Variants in ADAM12 observed in about 807,000 individuals in gnomAD.
ADAM12 encodes disintegrin and metalloproteinase domain-containing protein 12.
ADAM12 carries 70 observed loss-of-function variants against 106.4 expected under a neutral mutation model. The observed-to-expected ratio is 0.66, with a 90% CI of 0.54 to 0.80. ADAM12 has a LOEUF of 0.80. ADAM12 is among the 30% of genes least tolerant of loss of function. The pLI is 0.00. For synonymous variants in ADAM12, 420 were observed against 433.5 expected, an observed-to-expected ratio of 0.97 and a Z score of 0.39; for missense variants, 1,010 against 1,171.9, an observed-to-expected ratio of 0.86 and a Z score of 2.02.
At chr10:126,213,618 T>C (rs1233659196) in intron 3 of ADAM12, among the ~76,000 whole-genome samples, 1 of 152,244 alleles carries the variant, frequency 6.6e-6, no homozygotes, top group Admixed American at 6.5e-5. Context: ...TATAAAAATA[T>C]GCACAGGCTA....
Position 126,017,159 on chromosome 10 carries a change from T to C in ADAM12, c.*120A>G. On this transcript the variant is annotated 3_prime_UTR_variant, in exon 23 of 23. Transcript: ENST00000448723. ...CACTGACGGCAGTAGCTCAAAGTTC[T>C]TATAGTAATGATGTTTTAAACATTA... 1.1e-6 allele frequency: 1 copy of C among 890,770 alleles called. No homozygotes were observed. The allele number at this position is 890,770 out of a possible 1,614,324, so 55.2% of individuals were successfully genotyped here.
rs555718249 is a variant in ADAM12, at chr10:126,356,651, G to A, written c.89-26142C>T. ...CTGCAAAAATGAACCCTACAGAAAT[G>A]GATATCTATAAAGTGATAAAGAATT... On this transcript the variant is annotated intron_variant, in intron 1 of 22. Coordinates refer to ENST00000448723, the MANE Select transcript of ADAM12 (RefSeq NM_001288973.2). 3.9e-5 allele frequency among the ~76,000 whole-genome samples: 6 copies of A among 152,054 alleles called. No homozygotes were observed. The East Asian group carries it at 1.2e-3, about 29-fold the overall frequency.
chr10:126,210,536 G>A (rs1057142545), intron 3 of ADAM12, among the ~76,000 whole-genome samples: 9 of 152,202 alleles, frequency 5.9e-5, no homozygotes, highest in African/African-American at 1.2e-4. Flanking sequence ...AGAGAATGTC[G>A]TGGATGGCTT....
rs566736682 is a variant in ADAM12, at chr10:126,025,016, C to T, written c.2530-5191G>A. On this transcript the variant is annotated intron_variant, in intron 21 of 22. Transcript: ENST00000448723. ...ACAGAAGAGTGGCCAGACTGTTAAA[C>T]AGAAAACAACAATAACCCCATCCAA... 4.6e-5 allele frequency among the ~76,000 whole-genome samples: 7 copies of T among 152,102 alleles called. No homozygotes were observed. The South Asian group carries it at 1.5e-3, about 32-fold the overall frequency.
At chr10:126,041,556 T>C (rs1016770273) in intron 18 of ADAM12, 55 of 985,008 alleles carry the variant, frequency 5.6e-5, no homozygotes, top group Non-Finnish European at 2.8e-5. Flanking sequence ...TCTCCTACCT[T>C]CTTCTCCAGT....
chr10:126,202,248 T>C (rs2133821659), intron 3 of ADAM12, among the ~76,000 whole-genome samples: 1 of 152,352 alleles, frequency 6.6e-6, no homozygotes, highest in South Asian at 2.1e-4. Context: ...TCAAGATCTT[T>C]AGAAAAATAA....
chr10:126,179,055 G>T (rs1367049588), intron 3 of ADAM12, among the ~76,000 whole-genome samples: 2 of 149,520 alleles, frequency 1.3e-5, no homozygotes, highest in African/African-American at 4.9e-5. Flanking sequence ...CTTAAAAAAA[G>T]AAAGAAAAAA....
At chr10:126,234,754 C>T (rs1002629973) in intron 3 of ADAM12, among the ~76,000 whole-genome samples, 2 of 152,268 alleles carry the variant, frequency 1.3e-5, no homozygotes, top group Admixed American at 1.3e-4. Context: ...AGCCAGTGAT[C>T]CGGAAAACAG....
intron 3 of ADAM12, among the ~76,000 whole-genome samples, chr10:126,197,634 T>C (rs1223681261): frequency 6.6e-6 from 1 of 152,218 alleles, no homozygotes; most frequent in Non-Finnish European, 1.5e-5. Flanking sequence ...TGGTTGAGCA[T>C]CTGAGGACAC....
At chr10:126,211,528 C>T (rs1957900734) in intron 3 of ADAM12, among the ~76,000 whole-genome samples, 1 of 151,506 alleles carries the variant, frequency 6.6e-6, no homozygotes, top group Admixed American at 6.6e-5. Flanking sequence ...GTAGCCATCT[C>T]TGGGTCCTGG....
At chr10:126,166,765 G>A (rs964148961) in intron 3 of ADAM12, among the ~76,000 whole-genome samples, 1 of 152,246 alleles carries the variant, frequency 6.6e-6, no homozygotes, top group Non-Finnish European at 1.5e-5. Flanking sequence ...CCAAAGGCAT[G>A]AGCCATCATG....
At chr10:126,214,281 G>A (rs749890716) in intron 3 of ADAM12, among the ~76,000 whole-genome samples, 12 of 152,186 alleles carry the variant, frequency 7.9e-5, no homozygotes, top group Non-Finnish European at 1.5e-4. Context: ...CATTAGCCAC[G>A]TGAGTTAGTC....
At chr10:126,360,308 T>G (rs1353456728) in intron 1 of ADAM12, among the ~76,000 whole-genome samples, 1 of 152,200 alleles carries the variant, frequency 6.6e-6, no homozygotes, top group Non-Finnish European at 1.5e-5. Flanking sequence ...TGGCTTGAAT[T>G]TCTCCTCAGA....
intron 1 of ADAM12, among the ~76,000 whole-genome samples, chr10:126,334,422 C>T (rs1345497246): frequency 6.6e-6 from 1 of 152,044 alleles, no homozygotes; most frequent in African/African-American, 2.4e-5. Flanking sequence ...GATAAAATGG[C>T]CAGTTTGCTT....
chr10:126,330,367 A>T, intron 2 of ADAM12, 45 bp downstream of exon 2: 1 of 1,512,104 alleles, frequency 6.6e-7, no homozygotes, highest in Non-Finnish European at 9.1e-7. Flanking sequence ...AATGTGATTT[A>T]AAAGCTTCGG....
In ADAM12 at chr10:126,049,167, A is replaced by C. The variant is rs1248935605; in HGVS notation, c.1917+86T>G. The C allele has an allele frequency of 2.1e-5, 33 of 1,556,800 alleles. No individual in the cohort carries two copies. Among genetic ancestry groups the C allele is most frequent in the Non-Finnish European group, 4.4e-6 (5 of 1,140,712 alleles). On this transcript the variant is annotated intron_variant, in intron 16 of 22. Transcript: ENST00000448723. The surrounding 1 kb of genome is among the most constrained non-coding windows in gnomAD (Gnocchi z 4.4). ...AAGAAGTAGATTTAGGAAAACCAAC[A>C]AACCTTGTAACCCAGTTCTTGCTGT...
chr10:126,217,253 A>T (rs1958004116), intron 3 of ADAM12, among the ~76,000 whole-genome samples: 1 of 152,212 alleles, frequency 6.6e-6, no homozygotes, highest in Non-Finnish European at 1.5e-5. Context: ...CCCAGAAGAG[A>T]GCAAAGGTTA....
chr10:126,138,818 T>TCTTTC (rs138661395), intron 4 of ADAM12, among the ~76,000 whole-genome samples: 14,929 of 52,154 alleles, frequency 0.29, 1,365 homozygotes, highest in East Asian at 0.65. Flanking sequence ...TACACATATC[T>TCTTTC]TTTTCTTTTT....
chr10:126,127,867 G>A (rs1956230862), intron 5 of ADAM12, among the ~76,000 whole-genome samples: 1 of 152,182 alleles, frequency 6.6e-6, no homozygotes, highest in Non-Finnish European at 1.5e-5. Context: ...AAGTCAAAAG[G>A]GAGGGCAGGG....
Sources: allele counts gnomAD v4.1 joint callset (sites outside exome capture counted in the v4.1 genomes callset), GRCh38; gene constraint gnomAD v4.1.1; non-coding constraint Gnocchi (gnomAD v3.1); transcripts MANE v1.5; gene names NCBI Gene and HGNC (gene_info 2026-07-23, HGNC 2026-07-21).